Variants in LATS2 observed in about 807,000 individuals in gnomAD.
The protein encoded by LATS2 is large tumor suppressor kinase 2.
Under a neutral mutation model 76.0 loss-of-function variants are expected in LATS2, and 24 were observed. That is an observed-to-expected ratio of 0.32 (90% confidence interval 0.23 to 0.44). The LOEUF is 0.44. LATS2 is among the 20% of genes least tolerant of loss of function. The probability of loss-of-function intolerance (pLI) is 1.00; values close to 1 mark genes in which losing one functional copy is unlikely to be tolerated. For synonymous variants in LATS2, 692 were observed against 635.4 expected, an observed-to-expected ratio of 1.09 and a Z score of -1.34; for missense variants, 1,286 against 1,481.2, an observed-to-expected ratio of 0.87 and a Z score of 2.16.
At chr13:21,058,206 CTG>C (rs1289787974) in intron 1 of LATS2, among the ~76,000 whole-genome samples, 2 of 152,216 alleles carry the variant, frequency 1.3e-5, no homozygotes, top group Admixed American at 6.5e-5. Flanking sequence ...AATTTACCTT[CTG>C]TATTTCTTCA....
chr13:21,012,874 A>G (rs1442455772), intron 2 of LATS2, among the ~76,000 whole-genome samples: 1 of 152,168 alleles, frequency 6.6e-6, no homozygotes, highest in Non-Finnish European at 1.5e-5. Context: ...CTTTTTACCT[A>G]AAGTTACAAA....
Position 21,038,269 on chromosome 13 carries a change from T to C in LATS2, c.342+7416A>G, listed in dbSNP as rs555005646. 1.4e-4 allele frequency among the ~76,000 whole-genome samples: 21 copies of C among 152,200 alleles called. No homozygotes were observed. In the South Asian group the frequency reaches 4.4e-3, roughly 32 times the overall value. On this transcript the variant is annotated intron_variant, in intron 2 of 7. Transcript: ENST00000382592. ...TGCATGAGGTGCTTCCGAGGAGAAC[T>C]GACTGGGGTGATCTGATGGGCTACA...
intron 4 of LATS2, among the ~76,000 whole-genome samples, chr13:20,987,004 C>A (rs1196408076): frequency 6.6e-6 from 1 of 152,116 alleles, no homozygotes; most frequent in Non-Finnish European, 1.5e-5. Flanking sequence ...ACCAGTCTGA[C>A]CAACATGGCG....
In LATS2 at chr13:20,974,993, GTCA is replaced by G. The variant is rs1869528727; in HGVS notation, c.3141_3143del (p.Asp1048del). ...TTGGGCATCGAAAGGGGTAGCCATT[GTCA>G]TCAAAGAACCTTCGGAAGGTGAATT... On this transcript the variant is annotated inframe_deletion, in exon 8 of 8. Transcript: ENST00000382592. The G allele has an allele frequency of 1.2e-6, 2 of 1,614,256 alleles. No individual in the cohort carries two copies. The highest frequency in any genetic ancestry group is 1.7e-6 in the Non-Finnish European group (2 of 1,180,054).
chr13:21,009,966 G>A (rs888629227), intron 2 of LATS2, among the ~76,000 whole-genome samples: 22 of 152,184 alleles, frequency 1.4e-4, no homozygotes, highest in Admixed American at 1.4e-3. Flanking sequence ...TTGGGAGGGC[G>A]AGGTGGACAG....
chr13:21,027,110 G>T (rs1872338140), intron 2 of LATS2, among the ~76,000 whole-genome samples: 1 of 152,132 alleles, frequency 6.6e-6, no homozygotes, highest in Non-Finnish European at 1.5e-5. Flanking sequence ...TATTCCAAAT[G>T]TGAGTCCATT....
intron 3 of LATS2, among the ~76,000 whole-genome samples, chr13:20,989,699 G>C (rs1870424548): frequency 6.6e-6 from 1 of 152,196 alleles, no homozygotes; most frequent in African/African-American, 2.4e-5. Context: ...GGGGGGCTGA[G>C]TTTACCGACA....
chr13:20,985,477 G>T (rs904606503), intron 4 of LATS2, among the ~76,000 whole-genome samples: 1 of 151,946 alleles, frequency 6.6e-6, no homozygotes, highest in Non-Finnish European at 1.5e-5. Context: ...GGTGGCTCAC[G>T]CCTGTAATCC....
In LATS2 at chr13:20,973,976, C is replaced by A. The variant is rs1257988610; in HGVS notation, c.*894G>T. On this transcript the variant is annotated 3_prime_UTR_variant, in exon 8 of 8. Transcript: ENST00000382592. Reference sequence around the variant, plus strand: ...TATATGACAAATGTTTCAGTTCCCCCCCCCCAAAGAATCCAATCACAACCA... The same window carrying A: ...TATATGACAAATGTTTCAGTTCCCCACCCCCAAAGAATCCAATCACAACCA... 1.0e-5 allele frequency: 2 copies of A among 193,700 alleles called. No homozygotes were observed. The highest frequency in any genetic ancestry group is 1.8e-3 in the Middle Eastern group (1 of 556). 12.0% of individuals were successfully genotyped at this position (193,700 alleles called of 1,614,324 possible). A position where few individuals can be genotyped will look rare whatever the true frequency, so the allele number is the denominator to read the frequency against.
rs1869430151 is a variant in LATS2 at position 20,973,496 on chromosome 13, G to A, written c.*1374C>T. ...TAGGAATCATACTAATTTGAAATAA[G>A]GAATATTGTGTTTATCTCTGTGTGT... On this transcript the variant is annotated 3_prime_UTR_variant, in exon 8 of 8. Transcript: ENST00000382592. The A allele has an allele frequency of 4.6e-6, 1 of 219,236 alleles. No individual in the cohort carries two copies. The highest frequency in any genetic ancestry group is 2.4e-5 in the African/African-American group (1 of 41,136). The allele number at this position is 219,236 out of a possible 1,614,324, so 13.6% of individuals were successfully genotyped here. A position where few individuals can be genotyped will look rare whatever the true frequency, so the allele number is the denominator to read the frequency against.
chr13:21,019,298 G>GTTGTTA (rs1159347601), intron 2 of LATS2, among the ~76,000 whole-genome samples: 1 of 144,570 alleles, frequency 6.9e-6, no homozygotes, highest in African/African-American at 2.5e-5. Flanking sequence ...ACTTGGATTT[G>GTTGTTA]TTATTATTAT....
intron 2 of LATS2, among the ~76,000 whole-genome samples, chr13:21,016,139 G>A (rs1251824946): frequency 4.1e-5 from 6 of 146,628 alleles, no homozygotes; most frequent in African/African-American, 7.7e-5. Flanking sequence ...ATAGGCACTC[G>A]CCATCATGCC....
rs1555224093 is a variant in LATS2 at position 20,988,360 on chromosome 13, C to CGGGGAA, written c.1419_1420insTTCCCC (p.Pro473_Ala474insPhePro). ...TCCGCAGCCGGGGCGGGGGCGGGGG[C>CGGGGAA]GGGGGCCGGGGCAGGCGCGGGCACC... On this transcript the variant is annotated inframe_insertion, in exon 4 of 8. Coordinates refer to ENST00000382592, the MANE Select transcript of LATS2 (RefSeq NM_014572.3). 3.0e-6 allele frequency: 4 copies of CGGGGAA among 1,330,436 alleles called. No homozygotes were observed. The highest frequency in any genetic ancestry group is 3.9e-6 in the Non-Finnish European group (4 of 1,038,260). The allele number at this position is 1,330,436 out of a possible 1,614,324, so 82.4% of individuals were successfully genotyped here.
intron 2 of LATS2, among the ~76,000 whole-genome samples, chr13:21,024,726 A>G (rs1872239167): frequency 6.6e-6 from 1 of 151,580 alleles, no homozygotes; most frequent in Non-Finnish European, 1.5e-5. Context: ...TAAAAGATGT[A>G]TATTTCAACC....
intron 4 of LATS2, among the ~76,000 whole-genome samples, chr13:20,985,269 G>A (rs1224256711): frequency 6.6e-6 from 1 of 152,152 alleles, no homozygotes; most frequent in African/African-American, 2.4e-5. Flanking sequence ...AGACAAATGG[G>A]ACTATATTAA....
At chr13:20,998,548 T>C (rs1003565469) in intron 2 of LATS2, among the ~76,000 whole-genome samples, 1 of 152,118 alleles carries the variant, frequency 6.6e-6, no homozygotes, top group Non-Finnish European at 1.5e-5. Flanking sequence ...TAGATTTTTT[T>C]ATGAGAACAC....
intron 2 of LATS2, among the ~76,000 whole-genome samples, chr13:20,993,035 CAAAAAAAAAA>C (rs551359225): frequency 7.9e-5 from 7 of 88,972 alleles, no homozygotes; most frequent in African/African-American, 2.6e-4. Flanking sequence ...ACTCCATCTC[CAAAAAAAAAA>C]AAAAAAAAAA....
At position 20,974,827 on chromosome 13, in the gene LATS2, C is replaced by T. The variant is rs746430074; in HGVS notation, c.*43G>A. 10 of 1,562,508 alleles carry T rather than the reference C, an allele frequency of 6.4e-6. No homozygotes were observed. The East Asian group carries it at 2.2e-4, about 35-fold the overall frequency. On this transcript the variant is annotated 3_prime_UTR_variant, in exon 8 of 8. Transcript: ENST00000382592. ...CTGTGAGGGCACCGGCTCCGGGACC[C>T]TGACCTGGGAGGCAGCGAGTGGTGG...
At chr13:21,044,336 T>G (rs549614078) in intron 2 of LATS2, among the ~76,000 whole-genome samples, 3 of 152,222 alleles carry the variant, frequency 2.0e-5, no homozygotes, top group South Asian at 4.1e-4. Flanking sequence ...CCTTTTCCTA[T>G]GACTGCAACA....
Sources: allele counts gnomAD v4.1 joint callset (sites outside exome capture counted in the v4.1 genomes callset), GRCh38; gene constraint gnomAD v4.1.1; transcripts MANE v1.5; gene names NCBI Gene and HGNC (gene_info 2026-07-23, HGNC 2026-07-21).